The following SLC28A1 variants were observed in gnomAD, a reference collection of about 807,000 sequenced individuals.
SLC28A1 encodes the protein solute carrier family 28 member 1, also known as sodium/nucleoside cotransporter 1.
In SLC28A1, 64 loss-of-function variants were observed where a neutral mutation model predicts 74.8. The ratio of observed to expected loss-of-function variants is 0.86; its 90% CI spans 0.70 to 1.05. The LOEUF is 1.05. Among genes scored for constraint, SLC28A1 ranks in the 50% least tolerant of loss-of-function variants. The pLI, the probability that SLC28A1 is intolerant of heterozygous loss-of-function variation, is 0.00. For missense variants in SLC28A1, 828 were observed against 822.8 expected (o/e 1.01, Z -0.08); for synonymous variants, 359 against 335.0 (o/e 1.07, Z -0.78).
At chr15:84,885,813 A>G (rs1312512615) in intron 1 of SLC28A1, among the ~76,000 whole-genome samples, 1 of 151,904 alleles carries the variant, frequency 6.6e-6, no homozygotes, top group African/African-American at 2.4e-5. Flanking sequence ...GGGGACTTTA[A>G]CTTCCCTCAT....
At chr15:84,895,232 G>C (rs1965854277) in intron 6 of SLC28A1, 109 bp downstream of exon 6, 1 of 1,578,434 alleles carries the variant, frequency 6.3e-7, no homozygotes, top group African/African-American at 1.3e-5. Context: ...CTGTGTCATG[G>C]AGAACTCTCT....
downstream of SLC28A1, among the ~76,000 whole-genome samples, chr15:84,949,117 C>T (rs967200748): frequency 6.6e-5 from 10 of 152,232 alleles, no homozygotes; most frequent in East Asian, 5.8e-4. Context: ...GGCTTCCCTT[C>T]TCTGAGCCAG....
At chr15:84,894,626 A>T (rs1340539300) in intron 5 of SLC28A1, among the ~76,000 whole-genome samples, 5 of 152,172 alleles carry the variant, frequency 3.3e-5, no homozygotes. Context: ...ACCACAGCAG[A>T]TGCTCCACTG....
intron 12 of SLC28A1, among the ~76,000 whole-genome samples, chr15:84,928,313 C>T (rs1019442320): frequency 3.3e-5 from 5 of 152,078 alleles, no homozygotes; most frequent in East Asian, 2.0e-4. Context: ...ACAAACCTTC[C>T]TTCCCTTCAA....
At chr15:84,919,449 T>A (rs1969539424) in intron 10 of SLC28A1, among the ~76,000 whole-genome samples, 1 of 152,174 alleles carries the variant, frequency 6.6e-6, no homozygotes, top group South Asian at 2.1e-4. Flanking sequence ...ACTGGGTAAT[T>A]TATAAAGAAA....
At chr15:84,900,424 A>AT (rs1966552318) in intron 6 of SLC28A1, among the ~76,000 whole-genome samples, 2 of 139,952 alleles carry the variant, frequency 1.4e-5, no homozygotes, top group Non-Finnish European at 3.1e-5. Flanking sequence ...AAAAAAAAAA[A>AT]GAAGAAGAAG....
At chr15:84,891,464 G>A (rs573844491) in intron 5 of SLC28A1, among the ~76,000 whole-genome samples, 1 of 152,310 alleles carries the variant, frequency 6.6e-6, no homozygotes, top group South Asian at 2.1e-4. Context: ...TAGTTTGTTG[G>A]AGGTACCACT....
intron 12 of SLC28A1, among the ~76,000 whole-genome samples, chr15:84,928,337 CCCAGTCTTTTCT>C (rs774012407): frequency 4.0e-5 from 6 of 151,796 alleles, no homozygotes; most frequent in Non-Finnish European, 7.4e-5. Context: ...CTGGGTCTGC[CCCAGTCTTTTCT>C]CCAGAGCAGC....
chr15:84,940,842 G>A (rs1040853023), intron 15 of SLC28A1: 46 of 192,406 alleles, frequency 2.4e-4, no homozygotes, highest in African/African-American at 9.9e-4. Flanking sequence ...GCCAAAGGAG[G>A]CCTCTTGGGC....
In SLC28A1 at chr15:84,904,174, T is replaced by A. The variant is rs747119680; in HGVS notation, c.539T>A (p.Val180Glu). Residue 180 changes from valine to glutamate, a missense_variant, in exon 7 of 19, where the codon GTG becomes GAG. By Grantham distance (121) the Val-to-Glu change is moderately radical (BLOSUM62 -2). Around this residue, in one of 3 missense-constraint regions of SLC28A1, gnomAD observed 767 missense variants for 753.5 expected, o/e 1.02. Transcript: ENST00000394573. Reference protein sequence around the residue: ...LDTSQRPEQLVSFAGICVFVA... With the variant: ...LDTSQRPEQLESFAGICVFVA... ...ACCTCCCAGCGGCCTGAGCAACTGG[T>A]GTCCTTCGCAGGAATCTGCGTGTTC... is the stretch of plus-strand genomic sequence containing the variant. 3.1e-6 allele frequency: 5 copies of A among 1,614,200 alleles called. No homozygotes were observed. In the South Asian group the frequency reaches 5.5e-5, roughly 18 times the overall value.
intron 12 of SLC28A1, among the ~76,000 whole-genome samples, chr15:84,928,869 C>T (rs1041114778): frequency 1.2e-4 from 18 of 151,766 alleles, no homozygotes; most frequent in South Asian, 8.3e-4. Flanking sequence ...GTGATCCACC[C>T]GCCTCGGCCT....
At chr15:84,959,311 G>A in the SLC28A1 span, among the ~76,000 whole-genome samples, 1 of 151,684 alleles carries the variant, frequency 6.6e-6, no homozygotes, top group South Asian at 2.1e-4. Flanking sequence ...TGCCATGTTG[G>A]CCAGGCTGGT....
chr15:84,896,057 T>C, intron 6 of SLC28A1: 1 of 626,456 alleles, frequency 1.6e-6, no homozygotes, highest in East Asian at 1.4e-4. Flanking sequence ...TGGTCTTCTG[T>C]GACAAGTCAT....
At position 84,935,468 on chromosome 15, in the gene SLC28A1, C is replaced by T. The variant is rs142066214; in HGVS notation, c.1531C>T (p.Arg511Cys). The change falls in exon 15 of 19, where the codon CGC becomes TGC. Residue 511 changes from arginine (R) to cysteine (C), a missense_variant. By Grantham distance (180) the Arg-to-Cys change is radical. Coordinates refer to ENST00000394573, the MANE Select transcript of SLC28A1 (RefSeq NM_004213.5). ...YQDLSKYKQRRLAGAEEWVGD... is the reference protein window; with the variant it reads ...YQDLSKYKQRCLAGAEEWVGD... ...AGACCTCTCCAAGTACAAGCAACGC[C>T]GCCTGGCAGGGGCCGAGGAGTGGGT... is the stretch of plus-strand genomic sequence containing the variant. 46 of 1,614,082 alleles carry T rather than the reference C, an allele frequency of 2.8e-5. No homozygotes were observed. The highest frequency in any genetic ancestry group is 1.2e-4 in the Admixed American group (7 of 60,006).
At chr15:84,899,391 A>G (rs1245094600) in intron 6 of SLC28A1, among the ~76,000 whole-genome samples, 1 of 152,166 alleles carries the variant, frequency 6.6e-6, no homozygotes, top group Non-Finnish European at 1.5e-5. Context: ...TCCAAATAGG[A>G]TGACAATTGG....
At chr15:84,908,140 A>G (rs1030729909) in intron 8 of SLC28A1, among the ~76,000 whole-genome samples, 1 of 139,994 alleles carries the variant, frequency 7.1e-6, no homozygotes, top group Non-Finnish European at 1.5e-5. Context: ...TTCTTCTGTT[A>G]TCTCTTCTTT....
Position 84,888,873 on chromosome 15 carries a change from TG to T in SLC28A1, c.185+15del. 1 of 1,542,712 alleles carries T rather than the reference TG, an allele frequency of 6.5e-7. No individual in the cohort carries two copies. The highest frequency in any genetic ancestry group is 8.8e-7 in the Non-Finnish European group (1 of 1,138,850). On this transcript the variant is annotated intron_variant, in intron 4 of 18. Coordinates refer to ENST00000394573, the MANE Select transcript of SLC28A1 (RefSeq NM_004213.5). ...CCTTCTCCAGATGGTAGGTGATCTC[TG>T]GAGAGACAAGGGCGGGCCTGGGGTG...
chr15:84,915,996 C>G (rs1283720319), intron 9 of SLC28A1, among the ~76,000 whole-genome samples: 5 of 151,884 alleles, frequency 3.3e-5, no homozygotes, highest in Non-Finnish European at 7.4e-5. Flanking sequence ...GGGTCTCACT[C>G]TGTCACCCCA....
intron 5 of SLC28A1, among the ~76,000 whole-genome samples, chr15:84,892,076 C>T (rs898953266): frequency 3.3e-5 from 5 of 152,016 alleles, no homozygotes; most frequent in Non-Finnish European, 5.9e-5. Flanking sequence ...GTGGTTCATG[C>T]CTGTAATCCC....
Sources: allele counts gnomAD v4.1 joint callset (sites outside exome capture counted in the v4.1 genomes callset), GRCh38; gene constraint gnomAD v4.1.1; regional missense constraint gnomAD v4.1.1; transcripts MANE v1.5; gene names NCBI Gene and HGNC (gene_info 2026-07-23, HGNC 2026-07-21).